Variants in WDR88 observed in about 807,000 individuals in gnomAD.
WDR88 encodes WD repeat domain 88, also known as WD repeat-containing protein 88.
Under a neutral mutation model 46.8 loss-of-function variants are expected in WDR88, and 40 were observed. That is an observed-to-expected ratio of 0.86 (90% confidence interval 0.66 to 1.11). The LOEUF (loss-of-function observed/expected upper bound fraction) is 1.11. WDR88 is among the 50% of genes most tolerant of loss of function. WDR88 has a pLI of 0.00. For synonymous variants in WDR88, 235 were observed against 240.7 expected (o/e 0.98, Z 0.22); for missense variants, 562 against 602.4 (o/e 0.93, Z 0.70).
chr19:33,175,701 C>G lies in WDR88; in HGVS notation c.*129C>G, dbSNP rs1352746618. 8.7e-7 allele frequency: 1 copy of G among 1,150,736 alleles called. No individual in the cohort carries two copies. The highest frequency in any genetic ancestry group is 1.2e-6 in the Non-Finnish European group (1 of 810,286). The allele number at this position is 1,150,736 out of a possible 1,614,324, so 71.3% of individuals were successfully genotyped here. Reference sequence around the variant, plus strand: ...CTGTCAGACTGGGGCAGGACCCAAGCCCTGGCTGGACTCAGCACAGTGCCA... The same window carrying G: ...CTGTCAGACTGGGGCAGGACCCAAGGCCTGGCTGGACTCAGCACAGTGCCA... On this transcript the variant is annotated 3_prime_UTR_variant, in exon 11 of 11. Transcript: ENST00000355868.
chr19:33,139,884 G>A (rs1973353371), intron 2 of WDR88, among the ~76,000 whole-genome samples: 1 of 152,148 alleles, frequency 6.6e-6, no homozygotes, highest in African/African-American at 2.4e-5. Flanking sequence ...AGGAGGGTTT[G>A]TGGTGGACCC....
chr19:33,147,608 A>G, intron 3 of WDR88, 37 bp from the exon 4 acceptor site: 1 of 1,608,776 alleles, frequency 6.2e-7, no homozygotes, highest in South Asian at 1.1e-5. Flanking sequence ...GTCTCAAAAA[A>G]AAGAACCAGT....
chr19:33,175,037 C>T, intron 10 of WDR88: 1 of 976,076 alleles, frequency 1.0e-6, no homozygotes, highest in Non-Finnish European at 1.2e-6. Context: ...GAGTTCAAGA[C>T]CAGCCTGGCC....
intron 2 of WDR88, among the ~76,000 whole-genome samples, chr19:33,143,646 A>C (rs79052159): frequency 4.3e-5 from 2 of 46,020 alleles, no homozygotes; most frequent in Non-Finnish European, 7.9e-5. Flanking sequence ...CCCTCTCTCA[A>C]AAAAAAAAAA....
At position 33,151,388 on chromosome 19, in the gene WDR88, C is replaced by T; in HGVS notation, c.809+78C>T. On this transcript the variant is annotated intron_variant, in intron 6 of 10. Transcript: ENST00000355868. The stretch of plus-strand genomic sequence containing the variant: ...CATGACTTCCTGAATTCCACATAAG[C>T]CAGCATCCATGTGGACACGTCTGTA... 7 of 1,524,076 alleles carry T rather than the reference C, an allele frequency of 4.6e-6. No individual in the cohort carries two copies. The South Asian group carries it at 8.7e-5, about 19-fold the overall frequency. 94.4% of individuals were successfully genotyped at this position (1,524,076 alleles called of 1,614,324 possible).
At chr19:33,168,293 T>G (rs1462941469) in intron 9 of WDR88, among the ~76,000 whole-genome samples, 1 of 152,228 alleles carries the variant, frequency 6.6e-6, no homozygotes, top group Non-Finnish European at 1.5e-5. Flanking sequence ...CCCAAAGTGC[T>G]GGGATTACAG....
intron 5 of WDR88, among the ~76,000 whole-genome samples, chr19:33,150,694 C>G (rs1197413227): frequency 1.3e-5 from 2 of 152,272 alleles, no homozygotes; most frequent in Admixed American, 6.5e-5. Context: ...CTAATAGCCC[C>G]TAAGAGCCCA....
At chr19:33,156,179 C>G (rs1217387713) in intron 6 of WDR88, among the ~76,000 whole-genome samples, 176 bp from the exon 7 acceptor site, 1 of 152,234 alleles carries the variant, frequency 6.6e-6, no homozygotes, top group Non-Finnish European at 1.5e-5. Flanking sequence ...TGAACATGAG[C>G]TCACAGGAGA....
rs879616094 is a variant in WDR88 at position 33,132,331 on chromosome 19, G to C, written c.162G>C (p.Leu54=). The change falls in exon 1 of 11, where the codon CTG becomes CTC. Residue 54 remains leucine (L), a synonymous_variant. Coordinates refer to ENST00000355868, the MANE Select transcript of WDR88 (RefSeq NM_173479.4). ...RFKLSIPHTH[L]LATLDPLALD... ...AGCTGTCGATCCCGCACACGCACCT[G>C]CTGGCCACCCTCGACCCCCTGGCCT... The C allele has an allele frequency of 9.9e-6, 16 of 1,613,990 alleles. No homozygotes were observed. The highest frequency in any genetic ancestry group is 1.4e-5 in the Non-Finnish European group (16 of 1,180,034).
intron 9 of WDR88, among the ~76,000 whole-genome samples, chr19:33,169,334 T>A (rs1973999950): frequency 6.6e-6 from 1 of 152,148 alleles, no homozygotes; most frequent in Non-Finnish European, 1.5e-5. Context: ...TAGTTGCACA[T>A]CATGTATCTG....
intron 9 of WDR88, among the ~76,000 whole-genome samples, chr19:33,171,805 A>T (rs148774363): frequency 2.4e-4 from 36 of 152,108 alleles, no homozygotes; most frequent in African/African-American, 5.8e-4. Flanking sequence ...ACAGAGTCTC[A>T]CTCTGTCGCA....
chr19:33,170,369 G>A (rs749138925), intron 9 of WDR88, among the ~76,000 whole-genome samples: 8 of 151,916 alleles, frequency 5.3e-5, no homozygotes, highest in Admixed American at 2.6e-4. Context: ...TAGCGGAGGC[G>A]GGGTTTTCCC....
intron 10 of WDR88, chr19:33,174,617 C>T: frequency 1.3e-5 from 13 of 985,092 alleles, no homozygotes; most frequent in Non-Finnish European, 1.6e-5. Flanking sequence ...CTGCTTCACA[C>T]CCCTGCTTTG....
intron 6 of WDR88, among the ~76,000 whole-genome samples, chr19:33,153,629 G>A (rs1490809763): frequency 6.6e-6 from 1 of 151,860 alleles, no homozygotes; most frequent in African/African-American, 2.4e-5. Flanking sequence ...CGAGTAGGTG[G>A]GACTACAGGC....
At chr19:33,132,486 C>A in intron 1 of WDR88, 41 bp downstream of exon 1, 1 of 1,600,398 alleles carries the variant, frequency 6.2e-7, no homozygotes, top group South Asian at 1.1e-5. Flanking sequence ...TGGCCTGTTC[C>A]CCACACGGGA....
intron 1 of WDR88, 47 bp downstream of exon 1, chr19:33,132,492 C>T (rs375410214): frequency 5.0e-6 from 8 of 1,597,422 alleles, no homozygotes; most frequent in Admixed American, 1.7e-5. Flanking sequence ...GTTCCCCACA[C>T]GGGAGGAAGG....
intron 10 of WDR88, chr19:33,174,963 A>G: frequency 2.0e-6 from 2 of 985,310 alleles, no homozygotes; most frequent in African/African-American, 3.5e-5. Flanking sequence ...GGCTGCGCCC[A>G]GTGGCTCACG....
At chr19:33,172,535 T>C (rs1456779662) in intron 10 of WDR88, 95 bp downstream of exon 10, 2 of 1,033,756 alleles carry the variant, frequency 1.9e-6, no homozygotes, top group African/African-American at 1.6e-5. Flanking sequence ...CACCTGGAGA[T>C]GCAATCGTGA....
rs529255360 is a variant in WDR88, at chr19:33,172,478, C to T, written c.1242+38C>T. Reference sequence around the variant, plus strand: ...TAAAATTAAGCCCAGTGAAGGCTTTCGTTAGTTCCCTCTATAAATTAATTT... The same window carrying T: ...TAAAATTAAGCCCAGTGAAGGCTTTTGTTAGTTCCCTCTATAAATTAATTT... On this transcript the variant is annotated intron_variant, in intron 10 of 10. Transcript: ENST00000355868. 1.5e-5 allele frequency: 22 copies of T among 1,490,792 alleles called. No individual in the cohort carries two copies. The East Asian group carries it at 3.2e-4, about 22-fold the overall frequency. 92.3% of individuals were successfully genotyped at this position (1,490,792 alleles called of 1,614,324 possible). A position where few individuals can be genotyped will look rare whatever the true frequency, so the allele number is the denominator to read the frequency against.
Sources: gnomAD v4.1 joint callset for allele counts (sites outside exome capture counted in the v4.1 genomes callset) on GRCh38, gnomAD v4.1.1 for gene constraint, MANE v1.5 for transcripts, NCBI Gene and HGNC (gene_info 2026-07-23, HGNC 2026-07-21) for gene names.